The following UMAD1 variants were observed in gnomAD, a reference collection of about 807,000 sequenced individuals.
UMAD1 encodes UBAP1-MVB12-associated (UMA)-domain containing protein 1.
Under a neutral mutation model 6.1 loss-of-function variants are expected in UMAD1, and 8 were observed. That is an observed-to-expected ratio of 1.30 (90% CI 0.76 to 2.35). UMAD1 has a LOEUF of 2.35. UMAD1 is among the 30% of genes most tolerant of loss of function. The pLI is 0.00. For missense variants in UMAD1, 130 were observed against 78.4 expected, an observed-to-expected ratio of 1.66 and a Z score of -2.49; for synonymous variants, 56 against 31.4, an observed-to-expected ratio of 1.78 and a Z score of -2.61.
intron 2 of UMAD1, among the ~76,000 whole-genome samples, chr7:7,764,018 A>G (rs1247109894): frequency 6.6e-6 from 1 of 152,240 alleles, no homozygotes; most frequent in Non-Finnish European, 1.5e-5. Context: ...AAATAGTGAG[A>G]TTCAGCCTAA....
chr7:7,816,498 C>T lies in UMAD1; in HGVS notation c.156+14755C>T, dbSNP rs1037511072. Among the ~76,000 whole-genome samples the T allele has an allele frequency of 8.5e-5, 13 of 152,284 alleles. No homozygotes were observed. In the South Asian group the frequency reaches 1.2e-3, roughly 15 times the overall value. ...AGAAGTGGTGCTTCTCTCTTATCAC[C>T]GCCACTCAGAGGTGGGAATGACTGC... On this transcript the variant is annotated intron_variant, in intron 3 of 3. Coordinates refer to ENST00000682710, the MANE Select transcript of UMAD1 (RefSeq NM_001302348.2).
chr7:7,717,484 G>A (rs778541982), intron 2 of UMAD1, among the ~76,000 whole-genome samples: 21 of 152,166 alleles, frequency 1.4e-4, no homozygotes, highest in Non-Finnish European at 2.6e-4. Context: ...TACTTCAGAA[G>A]TATTTACTTT....
chr7:7,813,366 G>A (rs57516055), intron 3 of UMAD1, among the ~76,000 whole-genome samples: 3,676 of 152,026 alleles, frequency 0.024, 154 homozygotes, highest in African/African-American at 0.083. Flanking sequence ...CACCACGCCT[G>A]GCTAATTTTT....
At chr7:7,643,969 G>A (rs140255185) in intron 1 of UMAD1, among the ~76,000 whole-genome samples, 51 of 152,212 alleles carry the variant, frequency 3.4e-4, no homozygotes, top group Admixed American at 3.9e-4. Context: ...GACCCGTGAG[G>A]ATAGGCCACC....
chr7:7,762,876 T>A (rs570470314), intron 2 of UMAD1, among the ~76,000 whole-genome samples: 1 of 152,328 alleles, frequency 6.6e-6, no homozygotes, highest in South Asian at 2.1e-4. Context: ...ATTTAATGGA[T>A]TTAATTTAAA....
At position 7,675,470 on chromosome 7, in the gene UMAD1, C is replaced by G. The variant is rs185029627; in HGVS notation, c.82+2017C>G. Among the ~76,000 whole-genome samples, 4 of 152,230 alleles carry G rather than the reference C, an allele frequency of 2.6e-5. No individual in the cohort carries two copies. In the East Asian group the frequency reaches 7.7e-4, roughly 29 times the overall value. ...GTCTTGTAGCTATCTCAGTAGAAGC[C>G]CAGTTTCCAGGGCCTTCTGCCTCCG... is the stretch of plus-strand genomic sequence containing the variant. On this transcript the variant is annotated intron_variant, in intron 2 of 3. Coordinates refer to ENST00000682710, the MANE Select transcript of UMAD1 (RefSeq NM_001302348.2).
chr7:7,745,347 G>A (rs866319439), intron 2 of UMAD1, among the ~76,000 whole-genome samples: 1 of 152,160 alleles, frequency 6.6e-6, no homozygotes, highest in African/African-American at 2.4e-5. Flanking sequence ...AGATTCTACT[G>A]TTGCTTCTCT....
chr7:7,844,525 T>A (rs1335906534), intron 3 of UMAD1, among the ~76,000 whole-genome samples: 1 of 152,186 alleles, frequency 6.6e-6, no homozygotes. Flanking sequence ...TTCCCCAACA[T>A]CACTGTGTTG....
intron 3 of UMAD1, among the ~76,000 whole-genome samples, chr7:7,852,494 G>A (rs75492122): frequency 6.6e-6 from 1 of 152,300 alleles, no homozygotes; most frequent in East Asian, 1.9e-4. Flanking sequence ...CCAGCTTTAA[G>A]TTGGGGTTCC....
At chr7:7,679,711 A>AATATAT (rs372324513) in intron 2 of UMAD1, among the ~76,000 whole-genome samples, 7 of 128,468 alleles carry the variant, frequency 5.4e-5, no homozygotes, top group African/African-American at 2.2e-4. Flanking sequence ...TTTATAGATA[A>AATATAT]ATATATATAT....
chr7:7,765,991 C>T (rs990047414), intron 2 of UMAD1, among the ~76,000 whole-genome samples: 9 of 152,008 alleles, frequency 5.9e-5, no homozygotes, highest in African/African-American at 2.2e-4. Context: ...AGTTACATAT[C>T]GTTGTAATAG....
chr7:7,738,858 G>A (rs1273199079), intron 2 of UMAD1: 3 of 152,208 alleles, frequency 2.0e-5, no homozygotes, highest in Admixed American at 6.5e-5. Context: ...GAATTTAGAC[G>A]ACAGCTGCAG....
chr7:7,823,350 A>G (rs1415910314), intron 3 of UMAD1, among the ~76,000 whole-genome samples: 1 of 152,166 alleles, frequency 6.6e-6, no homozygotes, highest in Non-Finnish European at 1.5e-5. Context: ...TAAACAATAA[A>G]TAATTTTTTA....
intron 3 of UMAD1, among the ~76,000 whole-genome samples, chr7:7,872,722 GTATGCCTATACCTC>G (rs1784353283): frequency 6.6e-6 from 1 of 152,188 alleles, no homozygotes; most frequent in Non-Finnish European, 1.5e-5. Flanking sequence ...ATAAAAGAAT[GTATGCCTATACCTC>G]CACTTTAGTG....
chr7:7,670,239 T>C (rs1337623098), intron 1 of UMAD1, among the ~76,000 whole-genome samples: 1 of 152,238 alleles, frequency 6.6e-6, no homozygotes, highest in African/African-American at 2.4e-5. Flanking sequence ...ATATCCGTGT[T>C]TGTTCCATTT....
Position 7,830,759 on chromosome 7 carries a change from C to G in UMAD1, c.156+29016C>G, listed in dbSNP as rs1318814375. Among the ~76,000 whole-genome samples, 3 of 152,130 alleles carry G rather than the reference C, an allele frequency of 2.0e-5. No individual in the cohort carries two copies. The highest frequency in any genetic ancestry group is 4.4e-5 in the Non-Finnish European group (3 of 68,000). On this transcript the variant is annotated intron_variant, in intron 3 of 3. Transcript: ENST00000682710. This position sits in a 1 kb window ranked among gnomAD's most constrained non-coding sequence, Gnocchi z 5.3. ...GAGTCAATATAAATAAACACATAGA[C>G]TAAGTTCTATGAATCTTTACTTGCC...
At position 7,751,105 on chromosome 7, in the gene UMAD1, A is replaced by C. The variant is rs190334066; in HGVS notation, c.83-50565A>C. Among the ~76,000 whole-genome samples, 79 of 152,232 alleles carry C rather than the reference A, an allele frequency of 5.2e-4. 1 individual carries two copies. Among genetic ancestry groups the C allele is most frequent in the African/African-American group, 1.9e-3 (77 of 41,556 alleles). On this transcript the variant is annotated intron_variant, in intron 2 of 3. Transcript: ENST00000682710. The stretch of plus-strand genomic sequence containing the variant: ...CTTCTCTTTGTGTATATAGCTGAGC[A>C]ATGTGAATATAATGCTGTCATTATT...
At chr7:7,729,985 T>G (rs981924308) in intron 2 of UMAD1, among the ~76,000 whole-genome samples, 48 of 152,352 alleles carry the variant, frequency 3.2e-4, no homozygotes, top group African/African-American at 1.1e-3. Flanking sequence ...TGGTCAATAG[T>G]TGCAGTGTTC....
intron 2 of UMAD1, among the ~76,000 whole-genome samples, chr7:7,795,820 A>G (rs539332042): frequency 6.6e-6 from 1 of 152,280 alleles, no homozygotes; most frequent in East Asian, 1.9e-4. Context: ...ACCAGAGGCC[A>G]CTTTCATCAC....
Sources: gnomAD v4.1 joint callset for allele counts (sites outside exome capture counted in the v4.1 genomes callset) on GRCh38, gnomAD v4.1.1 for gene constraint, Gnocchi (gnomAD v3.1) non-coding constraint, MANE v1.5 for transcripts, NCBI Gene and HGNC (gene_info 2026-07-23, HGNC 2026-07-21) for gene names.